The following GLI3 variants were observed in gnomAD, a reference collection of about 807,000 sequenced individuals.
GLI3 encodes GLI family zinc finger 3.
Under a neutral mutation model 100.8 loss-of-function variants are expected in GLI3, and 20 were observed. The ratio of observed to expected loss-of-function variants is 0.20; its 90% CI spans 0.14 to 0.29. The LOEUF (loss-of-function observed/expected upper bound fraction) is 0.29, where lower values mean the gene tolerates loss of function less well. Among genes scored for constraint, GLI3 ranks in the 10% least tolerant of loss-of-function variants. GLI3 has a pLI of 1.00. For synonymous variants in GLI3, 938 were observed against 860.5 expected (o/e 1.09, Z -1.58); for missense variants, 2,040 against 2,128.5 (o/e 0.96, Z 0.82).
chr7:41,991,591 A>G (rs2128718270), intron 10 of GLI3, among the ~76,000 whole-genome samples: 1 of 152,346 alleles, frequency 6.6e-6, no homozygotes, highest in East Asian at 1.9e-4. Flanking sequence ...GTTTAGAGAA[A>G]GAGCATAAGC....
intron 3 of GLI3, among the ~76,000 whole-genome samples, chr7:42,084,901 CTTTTTTTTT>C (rs747166719): frequency 3.6e-4 from 17 of 47,516 alleles, no homozygotes; most frequent in East Asian, 1.3e-3. Context: ...CATTTGGATT[CTTTTTTTTT>C]TTTTTTTTTT....
At position 41,966,688 on chromosome 7, in the gene GLI3, G is replaced by A. The variant is rs781047291; in HGVS notation, c.2432-47C>T. On this transcript the variant is annotated intron_variant, in intron 14 of 14. Transcript: ENST00000395925. The surrounding 1 kb of genome is among the most constrained non-coding windows in gnomAD (Gnocchi z 5.8). ...GACCATGCGGAGATGAATTCCCTTC[G>A]AGCATGACTTACACCAGGCATGAGC... 6.9e-6 allele frequency: 11 copies of A among 1,597,966 alleles called. No individual in the cohort carries two copies. Among genetic ancestry groups the A allele is most frequent in the African/African-American group, 6.7e-5 (5 of 74,628 alleles).
intron 1 of GLI3, among the ~76,000 whole-genome samples, chr7:42,262,622 G>C (rs1056568675): frequency 1.3e-5 from 2 of 152,096 alleles, no homozygotes; most frequent in African/African-American, 4.8e-5. Flanking sequence ...CTCTCTCACT[G>C]GTTCAGCATG....
intron 2 of GLI3, among the ~76,000 whole-genome samples, chr7:42,211,527 T>C (rs1243073620): frequency 6.6e-6 from 1 of 152,256 alleles, no homozygotes; most frequent in African/African-American, 2.4e-5. Context: ...CAATTGTATA[T>C]TAGCTTCATA....
At chr7:42,026,071 G>C (rs1345256283) in intron 8 of GLI3, 128 bp downstream of exon 8, 1 of 703,616 alleles carries the variant, frequency 1.4e-6, no homozygotes, top group Non-Finnish European at 2.6e-6. Flanking sequence ...TCAGCATTAA[G>C]AAGACAGGAT....
At chr7:42,249,322 T>C (rs1420335968) in intron 1 of GLI3, among the ~76,000 whole-genome samples, 1 of 152,210 alleles carries the variant, frequency 6.6e-6, no homozygotes, top group African/African-American at 2.4e-5. Flanking sequence ...ACACTACAAT[T>C]TGAATTTCAT....
chr7:42,119,452 C>A (rs1018446671), intron 3 of GLI3, among the ~76,000 whole-genome samples: 4 of 152,100 alleles, frequency 2.6e-5, no homozygotes, highest in Non-Finnish European at 5.9e-5. Flanking sequence ...AATGACGTGA[C>A]CAAGACCAGC....
At chr7:42,191,549 C>T (rs564299085) in intron 2 of GLI3, among the ~76,000 whole-genome samples, 3 of 151,986 alleles carry the variant, frequency 2.0e-5, no homozygotes, top group South Asian at 2.1e-4. Flanking sequence ...CTACTCGGGA[C>T]GCTGAGGCAG....
At chr7:42,172,005 G>A (rs537750219) in intron 2 of GLI3, among the ~76,000 whole-genome samples, 9 of 151,870 alleles carry the variant, frequency 5.9e-5, no homozygotes, top group Non-Finnish European at 8.8e-5. Flanking sequence ...TATAGGACTC[G>A]TGCACATTCT....
At chr7:41,995,819 C>A (rs1185688675) in intron 10 of GLI3, among the ~76,000 whole-genome samples, 1 of 152,186 alleles carries the variant, frequency 6.6e-6, no homozygotes, top group Non-Finnish European at 1.5e-5. Flanking sequence ...GACATGCAGA[C>A]ACAAACACAC....
chr7:41,965,713 G>T lies in GLI3; in HGVS notation c.3360C>A (p.Ser1120Arg). The T allele has an allele frequency of 6.2e-7, 1 of 1,613,750 alleles. No individual in the cohort carries two copies. Among genetic ancestry groups the T allele is most frequent in the East Asian group, 2.2e-5 (1 of 44,838 alleles). ...AGTCACCGGGCCCGTGGGGCACTTTGCTGTCGTCCGGGAGGGCGCTGGGGA... is the reference window on the plus strand; with the variant it reads ...AGTCACCGGGCCCGTGGGGCACTTTTCTGTCGTCCGGGAGGGCGCTGGGGA... ...QHFPSALPDD[S>R]KVPHGPGDFD... The change falls in exon 15 of 15, where the codon AGC becomes AGA. Residue 1120 changes from serine to arginine, a missense_variant. Ser to Arg is a moderately radical substitution (Grantham distance 110). Transcript: ENST00000395925.
chr7:42,104,068 T>C (rs1208567487), intron 3 of GLI3, among the ~76,000 whole-genome samples: 2 of 152,152 alleles, frequency 1.3e-5, no homozygotes, highest in Non-Finnish European at 2.9e-5. Flanking sequence ...CTTTGTTTGG[T>C]GCCCTGTACA....
At chr7:42,072,791 G>A (rs941511681) in intron 4 of GLI3, among the ~76,000 whole-genome samples, 17 of 152,230 alleles carry the variant, frequency 1.1e-4, no homozygotes, top group African/African-American at 3.4e-4. Context: ...TATAGATTCA[G>A]GTTCTTTCAT....
chr7:41,968,602 C>T (rs1787251997), intron 13 of GLI3, among the ~76,000 whole-genome samples: 1 of 151,724 alleles, frequency 6.6e-6, no homozygotes, highest in Non-Finnish European at 1.5e-5. Context: ...TGTAGAACCT[C>T]AACCAAGGTG....
intron 13 of GLI3, among the ~76,000 whole-genome samples, chr7:41,968,627 T>G (rs1787252920): frequency 1.3e-5 from 2 of 149,040 alleles, no homozygotes; most frequent in Admixed American, 1.3e-4. Context: ...TAAAAGCAGT[T>G]GAGAGAGGTA....
At chr7:42,170,287 T>TATACACACACAC (rs1452471645) in intron 2 of GLI3, among the ~76,000 whole-genome samples, 56 of 124,002 alleles carry the variant, frequency 4.5e-4, no homozygotes, top group African/African-American at 1.5e-3. Flanking sequence ...TATATATATA[T>TATACACACACAC]ACACACACAT....
At chr7:42,019,343 G>A (rs1264929416) in intron 10 of GLI3, among the ~76,000 whole-genome samples, 2 of 152,134 alleles carry the variant, frequency 1.3e-5, no homozygotes, top group African/African-American at 2.4e-5. Flanking sequence ...TGAGACTAAC[G>A]TGTGCTGCAG....
At chr7:42,017,863 G>C (rs1479333328) in intron 10 of GLI3, among the ~76,000 whole-genome samples, 1 of 152,178 alleles carries the variant, frequency 6.6e-6, no homozygotes, top group African/African-American at 2.4e-5. Context: ...TGACCTCTTC[G>C]AGACCCTCTG....
intron 3 of GLI3, among the ~76,000 whole-genome samples, chr7:42,092,195 G>A (rs1045017877): frequency 1.3e-5 from 2 of 152,248 alleles, no homozygotes; most frequent in African/African-American, 4.8e-5. Context: ...CAGAGTCCAA[G>A]AGCACACCTT....
Sources: allele counts gnomAD v4.1 joint callset (sites outside exome capture counted in the v4.1 genomes callset), GRCh38; gene constraint gnomAD v4.1.1; non-coding constraint Gnocchi (gnomAD v3.1); transcripts MANE v1.5; gene names NCBI Gene and HGNC (gene_info 2026-07-23, HGNC 2026-07-21).